The following MCTP2 variants were observed in gnomAD, a reference collection of about 807,000 sequenced individuals.
MCTP2 encodes multiple C2 and transmembrane domain containing 2, also known as multiple C2 and transmembrane domain-containing protein 2.
In MCTP2, 132 loss-of-function variants were observed where a neutral mutation model predicts 111.6. The ratio of observed to expected loss-of-function variants is 1.18; its 90% CI spans 1.03 to 1.37. The LOEUF is 1.37. Among genes scored for constraint, MCTP2 ranks in the 40% most tolerant of loss-of-function variants. MCTP2 has a pLI of 0.00. For synonymous variants in MCTP2, 395 were observed against 387.7 expected, an observed-to-expected ratio of 1.02 and a Z score of -0.22; for missense variants, 1,183 against 1,067.9, an observed-to-expected ratio of 1.11 and a Z score of -1.50.
chr15:94,337,072 C>G (rs1323647899), intron 4 of MCTP2, among the ~76,000 whole-genome samples: 1 of 152,068 alleles, frequency 6.6e-6, no homozygotes, highest in Admixed American at 6.6e-5. Flanking sequence ...GTGGCCGACC[C>G]CTTTTCAGAA....
rs899816243 is a variant in MCTP2 at position 94,420,146 on chromosome 15, A to G, written c.2085+18127A>G. Among the ~76,000 whole-genome samples, 8 of 152,304 alleles carry G rather than the reference A, an allele frequency of 5.3e-5. No individual in the cohort carries two copies. The South Asian group carries it at 1.7e-3, about 32-fold the overall frequency. On this transcript the variant is annotated intron_variant, in intron 17 of 22. Coordinates refer to ENST00000357742, the MANE Select transcript of MCTP2 (RefSeq NM_001385001.1). ...GGAACAACAAAGCTTGGATGAGAGC[A>G]CATCTGTTTGCAGCATCATTTACTG...
intron 14 of MCTP2, among the ~76,000 whole-genome samples, chr15:94,394,287 G>A (rs552355138): frequency 1.3e-5 from 2 of 152,038 alleles, no homozygotes; most frequent in African/African-American, 4.8e-5. Context: ...CCTTCTGCTT[G>A]TATTGGAGGT....
chr15:94,284,449 A>G lies in MCTP2; in HGVS notation c.-65-13752A>G, dbSNP rs990370485. Among the ~76,000 whole-genome samples, 4 of 152,228 alleles carry G rather than the reference A, an allele frequency of 2.6e-5. No individual in the cohort carries two copies. In the East Asian group the frequency reaches 7.7e-4, roughly 29 times the overall value. On this transcript the variant is annotated intron_variant, in intron 1 of 22. Coordinates refer to ENST00000357742, the MANE Select transcript of MCTP2 (RefSeq NM_001385001.1). ...GTAACCATCTGTGGAACATTAATCA[A>G]TATATTATAGATCTTTCCATAATGC...
At chr15:94,351,553 AG>A (rs1256730471) in intron 8 of MCTP2, among the ~76,000 whole-genome samples, 1 of 152,112 alleles carries the variant, frequency 6.6e-6, no homozygotes, top group Non-Finnish European at 1.5e-5. Flanking sequence ...ATAATGACTT[AG>A]GAAAAACAAT....
intron 17 of MCTP2, among the ~76,000 whole-genome samples, chr15:94,418,546 G>A (rs2082478350): frequency 6.6e-6 from 1 of 152,000 alleles, no homozygotes; most frequent in Admixed American, 6.6e-5. Context: ...GATCATTCTA[G>A]GGGGAAAAAG....
intron 1 of MCTP2, among the ~76,000 whole-genome samples, chr15:94,272,210 A>G (rs940668567): frequency 2.6e-5 from 4 of 152,046 alleles, no homozygotes; most frequent in Non-Finnish European, 4.4e-5. Flanking sequence ...GGCTAAGACA[A>G]TTTTTTTTAT....
intron 12 of MCTP2, among the ~76,000 whole-genome samples, chr15:94,372,777 T>G (rs878911252): frequency 6.7e-6 from 1 of 148,364 alleles, no homozygotes; most frequent in Non-Finnish European, 1.5e-5. Context: ...ACCCACAAAT[T>G]AAAAAAAAAA....
At chr15:94,380,700 A>G (rs1329483599) in intron 12 of MCTP2, among the ~76,000 whole-genome samples, 1 of 151,904 alleles carries the variant, frequency 6.6e-6, no homozygotes, top group African/African-American at 2.4e-5. Context: ...CCCAGGAGGC[A>G]GAGGCTGCAG....
At chr15:94,345,965 C>T (rs779145355) in intron 8 of MCTP2, among the ~76,000 whole-genome samples, 4 of 151,898 alleles carry the variant, frequency 2.6e-5, no homozygotes, top group South Asian at 2.1e-4. Context: ...CAGATGATCT[C>T]GGTGAATGCC....
At chr15:94,400,113 C>G in intron 16 of MCTP2, 118 bp downstream of exon 16, 1 of 784,816 alleles carries the variant, frequency 1.3e-6, no homozygotes, top group South Asian at 1.6e-5. Context: ...CTCCTCCTCT[C>G]TCCCTCTTGC....
At chr15:94,286,815 A>G (rs1017125302) in intron 1 of MCTP2, among the ~76,000 whole-genome samples, 2 of 152,204 alleles carry the variant, frequency 1.3e-5, no homozygotes, top group African/African-American at 2.4e-5. Context: ...GCTTGGGGCC[A>G]TTTCCTGTAA....
chr15:94,416,624 T>C (rs528556033), intron 17 of MCTP2, among the ~76,000 whole-genome samples: 3 of 152,318 alleles, frequency 2.0e-5, no homozygotes, highest in South Asian at 4.1e-4. Context: ...TTTGGGCATA[T>C]GGTTCATTAT....
chr15:94,241,488 A>C (rs2152223192), intron 1 of MCTP2, among the ~76,000 whole-genome samples: 1 of 152,310 alleles, frequency 6.6e-6, no homozygotes, highest in African/African-American at 2.4e-5. Flanking sequence ...TCGGAAAACC[A>C]GGTCTTGCCT....
intron 20 of MCTP2, among the ~76,000 whole-genome samples, chr15:94,462,421 A>C (rs773993589): frequency 6.6e-6 from 1 of 152,212 alleles, no homozygotes; most frequent in Non-Finnish European, 1.5e-5. Context: ...GAAATCTATG[A>C]AAATGTTGTT....
At chr15:94,376,806 A>T (rs1219853547) in intron 12 of MCTP2, among the ~76,000 whole-genome samples, 1 of 152,182 alleles carries the variant, frequency 6.6e-6, no homozygotes, top group Non-Finnish European at 1.5e-5. Flanking sequence ...AAGGCAAAAA[A>T]ATATGCTTCA....
At chr15:94,242,444 C>T (rs1358278473) in intron 1 of MCTP2, among the ~76,000 whole-genome samples, 1 of 152,062 alleles carries the variant, frequency 6.6e-6, no homozygotes, top group African/African-American at 2.4e-5. Flanking sequence ...TGGGTAAGTG[C>T]CTGCCTACGC....
chr15:94,314,381 G>T, intron 3 of MCTP2, 37 bp downstream of exon 3: 2 of 1,413,586 alleles, frequency 1.4e-6, no homozygotes, highest in Non-Finnish European at 2.0e-6. Context: ...ATTAAATGTT[G>T]TAGATATTTC....
intron 10 of MCTP2, among the ~76,000 whole-genome samples, chr15:94,359,398 C>T (rs1259343366): frequency 6.6e-6 from 1 of 152,158 alleles, no homozygotes; most frequent in African/African-American, 2.4e-5. Context: ...AATCACTTGC[C>T]TTGTGTTCAT....
intron 1 of MCTP2, among the ~76,000 whole-genome samples, chr15:94,287,815 C>T (rs1596274329): frequency 6.6e-6 from 1 of 152,170 alleles, no homozygotes; most frequent in East Asian, 1.9e-4. Context: ...ACCAATTATC[C>T]AGCGTGAATT....
Sources: gnomAD v4.1 joint callset for allele counts (sites outside exome capture counted in the v4.1 genomes callset) on GRCh38, gnomAD v4.1.1 for gene constraint, MANE v1.5 for transcripts, NCBI Gene and HGNC (gene_info 2026-07-23, HGNC 2026-07-21) for gene names.